The following FHIT variants were observed in gnomAD, a reference collection of about 807,000 sequenced individuals.
FHIT encodes bis(5'-adenosyl)-triphosphatase.
Under a neutral mutation model 17.9 loss-of-function variants are expected in FHIT, and 19 were observed. The ratio of observed to expected loss-of-function variants is 1.06; its 90% CI spans 0.74 to 1.56. The LOEUF (loss-of-function observed/expected upper bound fraction) is 1.56. FHIT is among the 40% of genes most tolerant of loss of function. The pLI is 0.00. For missense variants in FHIT, 248 were observed against 189.2 expected, an observed-to-expected ratio of 1.31 and a Z score of -1.82; for synonymous variants, 81 against 69.7, an observed-to-expected ratio of 1.16 and a Z score of -0.81.
intron 3 of FHIT, among the ~76,000 whole-genome samples, chr3:60,898,200 T>C (rs185980010): frequency 6.6e-6 from 1 of 152,334 alleles, no homozygotes; most frequent in Admixed American, 6.5e-5. Context: ...TACTAAGTTG[T>C]CTGCAAAGGC....
intron 2 of FHIT, among the ~76,000 whole-genome samples, chr3:61,194,808 G>A (rs1381760446): frequency 1.3e-5 from 2 of 152,150 alleles, no homozygotes; most frequent in Non-Finnish European, 2.9e-5. Flanking sequence ...CTACTTCAGA[G>A]GGTGATGGGA....
At chr3:60,139,493 T>C (rs1445300431) in intron 5 of FHIT, among the ~76,000 whole-genome samples, 1 of 152,176 alleles carries the variant, frequency 6.6e-6, no homozygotes, top group Non-Finnish European at 1.5e-5. Context: ...CACCCCAGCT[T>C]AGAAGCTTTC....
At chr3:60,034,522 T>C (rs1701133552) in intron 5 of FHIT, among the ~76,000 whole-genome samples, 1 of 152,260 alleles carries the variant, frequency 6.6e-6, no homozygotes, top group Non-Finnish European at 1.5e-5. Context: ...TAGGCAGCCA[T>C]TTGACCAAGA....
chr3:60,686,109 T>A (rs1553698364), intron 4 of FHIT, among the ~76,000 whole-genome samples: 2 of 152,194 alleles, frequency 1.3e-5, no homozygotes, highest in African/African-American at 4.8e-5. Context: ...GATTGGATAG[T>A]CATATCTCCT....
chr3:60,433,937 C>T (rs2029974153), intron 5 of FHIT, among the ~76,000 whole-genome samples: 1 of 152,008 alleles, frequency 6.6e-6, no homozygotes, highest in South Asian at 2.1e-4. Flanking sequence ...TTTCAATTGT[C>T]TATTTTTGGT....
intron 4 of FHIT, among the ~76,000 whole-genome samples, chr3:60,771,214 C>T (rs9827254): frequency 0.043 from 6,596 of 152,272 alleles, 473 homozygotes; most frequent in African/African-American, 0.15. Flanking sequence ...AAGTCAAAAG[C>T]CTAACTCTTC....
At chr3:60,649,779 G>A (rs1318778480) in intron 4 of FHIT, among the ~76,000 whole-genome samples, 1 of 151,972 alleles carries the variant, frequency 6.6e-6, no homozygotes, top group Non-Finnish European at 1.5e-5. Flanking sequence ...AAATAGTCAG[G>A]TATTACTTTT....
intron 5 of FHIT, among the ~76,000 whole-genome samples, chr3:60,286,423 C>T (rs1707733032): frequency 6.6e-6 from 1 of 152,030 alleles, no homozygotes; most frequent in South Asian, 2.1e-4. Context: ...ATTCTAAGTC[C>T]CTTGGAAGTA....
At chr3:61,149,430 T>C (rs2037320345) in intron 2 of FHIT, among the ~76,000 whole-genome samples, 1 of 151,788 alleles carries the variant, frequency 6.6e-6, no homozygotes. Context: ...GTTTAATAAA[T>C]AAAAATTGTT....
At chr3:60,871,761 G>A (rs2107070354) in intron 3 of FHIT, among the ~76,000 whole-genome samples, 1 of 152,180 alleles carries the variant, frequency 6.6e-6, no homozygotes, top group South Asian at 2.1e-4. Context: ...AGCCTCCTGA[G>A]TAGCTAGAAC....
At chr3:60,671,120 A>G (rs972693806) in intron 4 of FHIT, among the ~76,000 whole-genome samples, 1 of 152,208 alleles carries the variant, frequency 6.6e-6, no homozygotes, top group Non-Finnish European at 1.5e-5. Context: ...AGTGTCTTCA[A>G]GGAACACATG....
intron 3 of FHIT, among the ~76,000 whole-genome samples, chr3:60,833,245 C>G (rs139763385): frequency 7.2e-5 from 11 of 152,162 alleles, no homozygotes; most frequent in South Asian, 2.1e-4. Flanking sequence ...GTAGTTGGTC[C>G]AACCCCTCCA....
chr3:60,776,349 A>G (rs1700217151), intron 4 of FHIT, among the ~76,000 whole-genome samples: 2 of 152,208 alleles, frequency 1.3e-5, no homozygotes, highest in African/African-American at 4.8e-5. Flanking sequence ...CAGCCTAAAG[A>G]AAGACAAGTG....
intron 5 of FHIT, among the ~76,000 whole-genome samples, chr3:60,454,786 G>C (rs1478463362): frequency 6.6e-6 from 1 of 152,146 alleles, no homozygotes; most frequent in Non-Finnish European, 1.5e-5. Context: ...CTGTGCAAAA[G>C]TTGTTACACA....
chr3:60,877,224 G>T (rs545870658), intron 3 of FHIT, among the ~76,000 whole-genome samples: 1 of 152,288 alleles, frequency 6.6e-6, no homozygotes, highest in South Asian at 2.1e-4. Context: ...TTTTCTCTGA[G>T]GGTGAGCAGG....
intron 3 of FHIT, among the ~76,000 whole-genome samples, chr3:60,900,167 T>C (rs1036654084): frequency 1.3e-5 from 2 of 152,286 alleles, no homozygotes; most frequent in Admixed American, 1.3e-4. Context: ...ATTCTCCTAC[T>C]TCAAGATCAT....
At chr3:60,109,142 GGAGA>G (rs1553686698) in intron 5 of FHIT, among the ~76,000 whole-genome samples, 1 of 151,738 alleles carries the variant, frequency 6.6e-6, no homozygotes, top group African/African-American at 2.4e-5. Context: ...GTAGGGGCAG[GGAGA>G]GAGAGAGATT....
At chr3:59,815,012 A>G (rs1402658308) in intron 8 of FHIT, among the ~76,000 whole-genome samples, 2 of 152,208 alleles carry the variant, frequency 1.3e-5, no homozygotes, top group East Asian at 3.9e-4. Context: ...CTGATTGTAC[A>G]CTTACCATGT....
In FHIT at chr3:60,870,948, T is replaced by C. The variant is rs912632127; in HGVS notation, c.-110-48937A>G. Among the ~76,000 whole-genome samples the C allele has an allele frequency of 5.3e-5, 8 of 152,138 alleles. 1 individual carries two copies. The highest frequency in any genetic ancestry group is 2.4e-5 in the African/African-American group (1 of 41,448). ...GGTGATGCCCCAGACATTGTCAACA[T>C]GGACCCCTTGGAGCATTTCCTCGTT... On this transcript the variant is annotated intron_variant, in intron 3 of 9. Transcript: ENST00000492590.
Sources: allele counts gnomAD v4.1 joint callset (sites outside exome capture counted in the v4.1 genomes callset), GRCh38; gene constraint gnomAD v4.1.1; transcripts MANE v1.5; gene names NCBI Gene and HGNC (gene_info 2026-07-23, HGNC 2026-07-21).